CUL9: variants seen among roughly 807,000 people sequenced by gnomAD.
CUL9 encodes cullin 9, also known as cullin-9.
CUL9 carries 79 observed loss-of-function variants against 272.6 expected under a neutral mutation model. That is an observed-to-expected ratio of 0.29 (90% CI 0.24 to 0.35). The LOEUF (loss-of-function observed/expected upper bound fraction) is 0.35, where lower values mean the gene tolerates loss of function less well. Ranked by LOEUF, CUL9 falls within the 10% of genes least tolerant of loss-of-function variation. The probability of loss-of-function intolerance (pLI) is 1.00; values close to 1 mark genes in which losing one functional copy is unlikely to be tolerated. For synonymous variants in CUL9, 1,186 were observed against 1,286.5 expected (o/e 0.92, Z 1.67); for missense variants, 2,532 against 3,255.6 (o/e 0.78, Z 5.41).
chr6:43,219,490 C>A (rs1043923032), intron 31 of CUL9, among the ~76,000 whole-genome samples: 1 of 150,774 alleles, frequency 6.6e-6, no homozygotes, highest in Admixed American at 6.6e-5. Context: ...TGTTCTATCT[C>A]AAAAATGTAA....
Position 43,187,987 on chromosome 6 carries a change from C to T in CUL9, c.1856C>T (p.Pro619Leu). 6.2e-7 allele frequency: 1 copy of T among 1,614,014 alleles called. No individual in the cohort carries two copies. The highest frequency in any genetic ancestry group is 2.2e-5 in the East Asian group (1 of 44,886). The change falls in exon 7 of 41, where the codon CCT (proline) becomes CTT (leucine). Residue 619 changes from proline to leucine, a missense_variant. This residue lies in a region of CUL9 where 2,218 missense variants were observed against 2,788.6 expected (regional missense o/e 0.80). Coordinates refer to ENST00000252050, the MANE Select transcript of CUL9 (RefSeq NM_015089.4). Reference protein sequence around the residue: ...TESLKAKAEAPKTEAEPTKTR... With the variant: ...TESLKAKAEALKTEAEPTKTR... ...TCCCTCAAAGCAAAGGCCGAGGCCC[C>T]TAAGACAGAGGCCGAGCCCACCAAG...
Position 43,184,480 on chromosome 6 carries a change from A to G in CUL9, c.170A>G (p.Glu57Gly), listed in dbSNP as rs1772733985. 2 of 1,613,564 alleles carry G rather than the reference A, an allele frequency of 1.2e-6. No individual in the cohort carries two copies. The highest frequency in any genetic ancestry group is 4.5e-5 in the East Asian group (2 of 44,856). ...GAAGTGGGCAAAGTGGGTGTGGAAG[A>G]AGGCAAAGCAGAGCACATCCTCATG... ...CGEVGKVGVEEGKAEHILMWL... is the reference protein window; with the variant it reads ...CGEVGKVGVEGGKAEHILMWL... The change falls in exon 2 of 41, where the codon GAA becomes GGA. Residue 57 changes from glutamate to glycine, a missense_variant. This residue lies in a region of CUL9 where 2,218 missense variants were observed against 2,788.6 expected (regional missense o/e 0.80). Coordinates refer to ENST00000252050, the MANE Select transcript of CUL9 (RefSeq NM_015089.4). The surrounding 1 kb of genome is among the most constrained non-coding windows in gnomAD (Gnocchi z 4.8).
Position 43,224,097 on chromosome 6 carries a change from T to C in CUL9, c.7287T>C (p.Asp2429=), listed in dbSNP as rs994532538. The C allele has an allele frequency of 7.4e-6, 12 of 1,614,070 alleles. No homozygotes were observed. The African/African-American group carries it at 1.5e-4, about 20-fold the overall frequency. The change falls in exon 40 of 41, where the codon GAT becomes GAC. Residue 2429 remains aspartate (D), a splice_region_variant and synonymous_variant. Coordinates refer to ENST00000252050, the MANE Select transcript of CUL9 (RefSeq NM_015089.4). The surrounding 1 kb of genome is among the most constrained non-coding windows in gnomAD (Gnocchi z 4.2). ...AAATCCTTCTGTCTGCTCACCAGGATTTCCGGGTTGGTCTTCAGAGTCCAT... is the reference window on the plus strand; with the variant it reads ...AAATCCTTCTGTCTGCTCACCAGGACTTCCGGGTTGGTCTTCAGAGTCCAT... ...LLAILQHSAQ[D]FRVGLQSPSV... is the part of the protein sequence containing the mutation.
At chr6:43,202,900 C>T in intron 17 of CUL9, 79 bp downstream of exon 17, 2 of 1,417,492 alleles carry the variant, frequency 1.4e-6, no homozygotes, top group Non-Finnish European at 2.0e-6. Flanking sequence ...GACCTAGTCC[C>T]TGGGGAATGG....
chr6:43,192,130 C>G (rs1431724936), intron 8 of CUL9, among the ~76,000 whole-genome samples: 1 of 145,628 alleles, frequency 6.9e-6, no homozygotes, highest in Non-Finnish European at 1.5e-5. Context: ...GGCATGATCA[C>G]AGCTTGCTGC....
In CUL9 at chr6:43,223,165, T is replaced by C. The variant is rs1776510242; in HGVS notation, c.7151-99T>C. ...GGAGCTTCATGAGAATGTCTAGAGCTGCACCTGGTGCTTGGTAGACGTTCC... is the reference window on the plus strand; with the variant it reads ...GGAGCTTCATGAGAATGTCTAGAGCCGCACCTGGTGCTTGGTAGACGTTCC... On this transcript the variant is annotated intron_variant, in intron 38 of 40. Coordinates refer to ENST00000252050, the MANE Select transcript of CUL9 (RefSeq NM_015089.4). This position sits in a 1 kb window ranked among gnomAD's most constrained non-coding sequence, Gnocchi z 4.1. The C allele has an allele frequency of 6.9e-7, 1 of 1,448,890 alleles. No homozygotes were observed. Among genetic ancestry groups the C allele is most frequent in the African/African-American group, 1.4e-5 (1 of 70,944 alleles). 89.8% of individuals were successfully genotyped at this position (1,448,890 alleles called of 1,614,324 possible).
At chr6:43,186,831 T>C (rs1772962074) in intron 4 of CUL9, 129 bp from the exon 5 acceptor site, 1 of 1,183,600 alleles carries the variant, frequency 8.4e-7, no homozygotes, top group Non-Finnish European at 1.2e-6. Context: ...TTTCCAGGCT[T>C]AGCCAGGTGT....
At chr6:43,198,509 G>A (rs918996361) in intron 11 of CUL9, 100 bp from the exon 12 acceptor site, 135 of 1,535,802 alleles carry the variant, frequency 8.8e-5, no homozygotes, top group Non-Finnish European at 1.1e-4. Flanking sequence ...AATATAGAAG[G>A]AAAATTTTGG....
In CUL9 at chr6:43,213,045, TC is replaced by T; in HGVS notation, c.5213-102del. The T allele has an allele frequency of 3.1e-6, 4 of 1,299,700 alleles. No homozygotes were observed. The South Asian group carries it at 5.6e-5, about 18-fold the overall frequency. 80.5% of individuals were successfully genotyped at this position (1,299,700 alleles called of 1,614,324 possible). A position where few individuals can be genotyped will look rare whatever the true frequency, so the allele number is the denominator to read the frequency against. ...TCTCTGTCTGAAAATGCTGGGGCCC[TC>T]CTCCCCATAGGGACTAGTAGGAGCA... is the stretch of plus-strand genomic sequence containing the variant. On this transcript the variant is annotated intron_variant, in intron 26 of 40. Coordinates refer to ENST00000252050, the MANE Select transcript of CUL9 (RefSeq NM_015089.4). The surrounding 1 kb of genome is among the most constrained non-coding windows in gnomAD (Gnocchi z 5.7).
rs752057229 is a variant in CUL9, at chr6:43,223,431, A to C, written c.7284+34A>C. Reference sequence around the variant, plus strand: ...CGGCCCAGACCCCTTCTGCTCCTGCATTCTGCGGGAGTTGAGGTCCTCCTG... The same window carrying C: ...CGGCCCAGACCCCTTCTGCTCCTGCCTTCTGCGGGAGTTGAGGTCCTCCTG... On this transcript the variant is annotated intron_variant, in intron 39 of 40. Transcript: ENST00000252050. This position sits in a 1 kb window ranked among gnomAD's most constrained non-coding sequence, Gnocchi z 4.1. The C allele has an allele frequency of 8.3e-6, 13 of 1,558,416 alleles. No homozygotes were observed. Among genetic ancestry groups the C allele is most frequent in the Non-Finnish European group, 6.1e-6 (7 of 1,146,814 alleles).
chr6:43,186,022 T>C lies in CUL9; in HGVS notation c.818T>C (p.Leu273Pro). 2 of 1,614,194 alleles carry C rather than the reference T, an allele frequency of 1.2e-6. No individual in the cohort carries two copies. The highest frequency in any genetic ancestry group is 2.2e-5 in the East Asian group (1 of 44,882). ...YLCVTSLLDQLNSSPELGAGD... is the reference protein window; with the variant it reads ...YLCVTSLLDQPNSSPELGAGD... ...TGTGTCACGTCCCTCCTGGATCAGC[T>C]GAATAGCAGTCCAGAGCTGGGAGCT... Residue 273 changes from leucine to proline, a missense_variant, in exon 4 of 41, where the codon CTG becomes CCG. Leu to Pro is a moderately conservative substitution (Grantham distance 98). Coordinates refer to ENST00000252050, the MANE Select transcript of CUL9 (RefSeq NM_015089.4).
rs1455947366 is a variant in CUL9, at chr6:43,183,674, TTC to T, written c.-9-624_-9-623del. Among the ~76,000 whole-genome samples, 5 of 152,268 alleles carry T rather than the reference TTC, an allele frequency of 3.3e-5. 1 individual carries two copies. The South Asian group carries it at 1.0e-3, about 32-fold the overall frequency. ...GTTACTTTGCCTATTACTGTTTTAA[TTC>T]TCTTTTTGTAAACTCCCCTTCCTTC... On this transcript the variant is annotated intron_variant, in intron 1 of 40. Coordinates refer to ENST00000252050, the MANE Select transcript of CUL9 (RefSeq NM_015089.4).
chr6:43,204,668 C>T, intron 21 of CUL9, 80 bp from the exon 22 acceptor site: 1 of 1,582,442 alleles, frequency 6.3e-7, no homozygotes, highest in South Asian at 1.1e-5. Context: ...ACTGGCCTTT[C>T]CAGGAGATCA....
In CUL9 at chr6:43,198,673, TGGG is replaced by T. The variant is rs3215697; in HGVS notation, c.2871_2873del (p.Gly958del). ...CTGAGCTACTGATTCGATCCCTGGTTGGGGGCCCATCTGCAGAACTACTCCTGG... is the reference window on the plus strand; with the variant it reads ...CTGAGCTACTGATTCGATCCCTGGTTGGCCCATCTGCAGAACTACTCCTGG... On this transcript the variant is annotated inframe_deletion, in exon 12 of 41. Transcript: ENST00000252050. 0.038 allele frequency: 61,404 copies of T among 1,614,184 alleles called. 1,267 individuals carry two copies. The highest frequency in any genetic ancestry group is 0.046 in the Middle Eastern group (276 of 6,060).
intron 8 of CUL9, among the ~76,000 whole-genome samples, chr6:43,190,594 G>T (rs1773376479): frequency 6.6e-6 from 1 of 151,766 alleles, no homozygotes; most frequent in Non-Finnish European, 1.5e-5. Flanking sequence ...TTAACATGTT[G>T]GTAAACATCC....
chr6:43,212,024 A>G (rs1775547319), intron 26 of CUL9, among the ~76,000 whole-genome samples: 1 of 152,156 alleles, frequency 6.6e-6, no homozygotes, highest in African/African-American at 2.4e-5. Flanking sequence ...CCTCCTTGCA[A>G]TTATTTCTGG....
Position 43,213,855 on chromosome 6 carries a change from T to C in CUL9, c.5631T>C (p.Val1877=). 6.2e-7 allele frequency: 1 copy of C among 1,614,190 alleles called. No individual in the cohort carries two copies. Among genetic ancestry groups the C allele is most frequent in the Non-Finnish European group, 8.5e-7 (1 of 1,180,040 alleles). Residue 1877 remains valine (V), a synonymous_variant, in exon 29 of 41, where the codon GTT becomes GTC. Transcript: ENST00000252050. The surrounding 1 kb of genome is among the most constrained non-coding windows in gnomAD (Gnocchi z 5.7). ...QKRNLLSCLL[V]RILKAHGEKG... ...GGAATCTCTTGAGCTGTCTTCTTGT[T>C]CGTATTCTCAAAGCCCATGGGGAAA...
rs11962520 is a variant in CUL9 at position 43,220,862 on chromosome 6, C to T, written c.6539C>T (p.Thr2180Ile). Reference sequence around the variant, plus strand: ...CGCCAGGGCCTGGGCTGTGGGACCACCTGCTCCAAGTGTGGCTGGGCCTCT... The same window carrying T: ...CGCCAGGGCCTGGGCTGTGGGACCATCTGCTCCAAGTGTGGCTGGGCCTCT... ...LCRQGLGCGT[T>I]CSKCGWASCF... is the part of the protein sequence containing the mutation. The change falls in exon 33 of 41, where the codon ACC (threonine) becomes ATC (isoleucine). Residue 2180 changes from threonine to isoleucine, a missense_variant. Thr to Ile is a moderately conservative substitution (Grantham distance 89). Transcript: ENST00000252050. The surrounding 1 kb of genome is among the most constrained non-coding windows in gnomAD (Gnocchi z 4.9). The T allele has an allele frequency of 0.026, 41,643 of 1,613,584 alleles. 786 individuals are homozygous for T. Among genetic ancestry groups the T allele is most frequent in the Non-Finnish European group, 0.031 (36,352 of 1,179,862 alleles).
In CUL9 at chr6:43,205,258, C is replaced by G; in HGVS notation, c.4633-5C>G. 6.2e-7 allele frequency: 1 copy of G among 1,613,022 alleles called. No homozygotes were observed. Among genetic ancestry groups the G allele is most frequent in the Non-Finnish European group, 8.5e-7 (1 of 1,179,020 alleles). The stretch of plus-strand genomic sequence containing the variant: ...GTTTGCTCATGCCCTTTCCCCTGCC[C>G]CCAGATGAGTGAGCAGTTTGCCAGG... On this transcript the variant is annotated splice_region_variant and splice_polypyrimidine_tract_variant and intron_variant, in intron 23 of 40. Coordinates refer to ENST00000252050, the MANE Select transcript of CUL9 (RefSeq NM_015089.4).
Sources: gnomAD v4.1 joint callset for allele counts (sites outside exome capture counted in the v4.1 genomes callset) on GRCh38, gnomAD v4.1.1 for gene constraint, gnomAD v4.1.1 regional missense constraint, Gnocchi (gnomAD v3.1) non-coding constraint, MANE v1.5 for transcripts, NCBI Gene and HGNC (gene_info 2026-07-23, HGNC 2026-07-21) for gene names.